Variants in PRIM2 observed in about 807,000 individuals in gnomAD.
PRIM2 encodes the protein DNA primase subunit 2, also known as DNA primase large subunit.
PRIM2 carries 39 observed loss-of-function variants against 67.3 expected under a neutral mutation model. The ratio of observed to expected loss-of-function variants is 0.58; its 90% CI spans 0.45 to 0.76. The LOEUF is 0.76. Among genes scored for constraint, PRIM2 ranks in the 30% least tolerant of loss-of-function variants. The pLI is 0.00. For missense variants in PRIM2, 398 were observed against 598.7 expected, an observed-to-expected ratio of 0.66 and a Z score of 3.50; for synonymous variants, 143 against 198.7, an observed-to-expected ratio of 0.72 and a Z score of 2.36.
At chr6:57,238,747 A>G in the PRIM2 span, among the ~76,000 whole-genome samples, 1 of 152,132 alleles carries the variant, frequency 6.6e-6, no homozygotes, top group Non-Finnish European at 1.5e-5. Flanking sequence ...GACACAAAAA[A>G]CCCTTCAAAA....
intron 7 of PRIM2, chr6:57,434,855 A>C (rs1402359505): frequency 6.6e-6 from 1 of 152,022 alleles, no homozygotes; most frequent in East Asian, 1.9e-4. Flanking sequence ...GGCTCACTAC[A>C]ACCTCTGCCT....
intron 5 of PRIM2, among the ~76,000 whole-genome samples, chr6:57,353,776 G>T (rs1411800415): frequency 6.6e-6 from 1 of 152,068 alleles, no homozygotes; most frequent in Non-Finnish European, 1.5e-5. Context: ...TCAGAAACTG[G>T]GGTTTAATAG....
the PRIM2 span, among the ~76,000 whole-genome samples, chr6:57,231,748 A>C: frequency 6.6e-6 from 1 of 152,206 alleles, no homozygotes; most frequent in African/African-American, 2.4e-5. Context: ...ATTTGGCAAA[A>C]TATATCAAAA....
intron 12 of PRIM2, among the ~76,000 whole-genome samples, chr6:57,624,644 G>A (rs1776915115): frequency 1.3e-5 from 2 of 152,180 alleles, no homozygotes; most frequent in Non-Finnish European, 1.5e-5. Flanking sequence ...TTAGGCAAAA[G>A]GAGCAGCATT....
rs1159840902 is a variant in PRIM2 at position 57,489,843 on chromosome 6, A to C, written c.694-17544A>C. On this transcript the variant is annotated intron_variant, in intron 7 of 13. Transcript: ENST00000615550. ...TATAGGGGTGACTGAGGCTGTTGCAAATTGGTATGTCTGTGTATGTGGTTT... is the reference window on the plus strand; with the variant it reads ...TATAGGGGTGACTGAGGCTGTTGCACATTGGTATGTCTGTGTATGTGGTTT... 3.0e-4 allele frequency among the ~76,000 whole-genome samples: 46 copies of C among 152,378 alleles called. 1 individual carries two copies. The highest frequency in any genetic ancestry group is 2.5e-3 in the East Asian group (13 of 5,190).
intron 7 of PRIM2, among the ~76,000 whole-genome samples, chr6:57,409,980 A>AT (rs1253236848): frequency 3.3e-5 from 5 of 151,060 alleles, no homozygotes; most frequent in East Asian, 1.9e-4. Context: ...AGACATGTTG[A>AT]TTTTTTTTTC....
chr6:57,549,157 G>A (rs1440952354), intron 10 of PRIM2, among the ~76,000 whole-genome samples: 1 of 152,180 alleles, frequency 6.6e-6, no homozygotes, highest in Non-Finnish European at 1.5e-5. Flanking sequence ...GTGTCTTATG[G>A]CCTTAGAGCA....
At chr6:57,261,716 G>C in the PRIM2 span, among the ~76,000 whole-genome samples, 4 of 152,242 alleles carry the variant, frequency 2.6e-5, no homozygotes, top group East Asian at 7.7e-4. Context: ...AGCAGCAGGA[G>C]ACTGGGAGAT....
At chr6:57,249,613 G>A in the PRIM2 span, among the ~76,000 whole-genome samples, 1 of 151,900 alleles carries the variant, frequency 6.6e-6, no homozygotes, top group South Asian at 2.1e-4. Flanking sequence ...GTGGTGGTGC[G>A]TGCCTGTAAT....
At chr6:57,402,738 T>C (rs1486516997) in intron 7 of PRIM2, among the ~76,000 whole-genome samples, 1 of 152,208 alleles carries the variant, frequency 6.6e-6, no homozygotes, top group African/African-American at 2.4e-5. Flanking sequence ...TGAATTTTAG[T>C]GTGTGTGCTG....
chr6:57,311,270 T>TTCC (rs1767383014), upstream of PRIM2, among the ~76,000 whole-genome samples: 6 of 30,370 alleles, frequency 2.0e-4, no homozygotes, highest in East Asian at 1.4e-3. Context: ...CGCTCCTCAC[T>TTCC]TCCCAGACGG....
intron 5 of PRIM2, among the ~76,000 whole-genome samples, chr6:57,359,684 T>C (rs1033098691): frequency 2.6e-5 from 4 of 152,320 alleles, no homozygotes; most frequent in South Asian, 2.1e-4. Context: ...TCAAAACAAC[T>C]GTACTATGAT....
intron 5 of PRIM2, among the ~76,000 whole-genome samples, chr6:57,333,644 T>C (rs920033872): frequency 7.2e-5 from 11 of 152,166 alleles, no homozygotes; most frequent in African/African-American, 2.4e-4. Flanking sequence ...ATTTTCTGGA[T>C]TGGTACTCTT....
At chr6:57,236,462 A>G in the PRIM2 span, among the ~76,000 whole-genome samples, 1 of 152,106 alleles carries the variant, frequency 6.6e-6, no homozygotes. Context: ...CATGTGCACA[A>G]CGTGCAGGTT....
chr6:57,565,223 C>G (rs1393270551), intron 10 of PRIM2, among the ~76,000 whole-genome samples: 1 of 150,728 alleles, frequency 6.6e-6, no homozygotes, highest in African/African-American at 2.4e-5. Context: ...CAAATTCTCA[C>G]ATATCTGTCA....
In PRIM2 at chr6:57,345,472, ATATG is replaced by A. The variant is rs1290312181; in HGVS notation, c.459+19429_459+19432del. ...GTGAGCCACCATGCCTGATATATAT[ATATG>A]TGTGTGTGTGTGTGTGTGTGTGTGT... On this transcript the variant is annotated intron_variant, in intron 5 of 13. Coordinates refer to ENST00000615550, the MANE Select transcript of PRIM2 (RefSeq NM_000947.5). Among the ~76,000 whole-genome samples, 79 of 79,896 alleles carry A rather than the reference ATATG, an allele frequency of 9.9e-4. No homozygotes were observed. In the East Asian group the frequency reaches 0.021, roughly 22 times the overall value. 52.4% of individuals were successfully genotyped at this position (79,896 alleles called of 152,430 possible).
At chr6:57,278,054 C>T in the PRIM2 span, among the ~76,000 whole-genome samples, 5 of 151,164 alleles carry the variant, frequency 3.3e-5, no homozygotes, top group Admixed American at 6.6e-5. Context: ...GAGCTGGGCA[C>T]GGTAGCTCAT....
intron 10 of PRIM2, among the ~76,000 whole-genome samples, chr6:57,566,846 C>A (rs1775752690): frequency 6.6e-6 from 1 of 152,114 alleles, no homozygotes; most frequent in South Asian, 2.1e-4. Flanking sequence ...CTTGGAAATA[C>A]AATTACTTGG....
intron 7 of PRIM2, among the ~76,000 whole-genome samples, chr6:57,454,653 C>A (rs556574789): frequency 0.033 from 5,040 of 152,088 alleles, 277 homozygotes; most frequent in African/African-American, 0.11. Context: ...TTTTTTATTG[C>A]ATCTATTTGA....
Sources: allele counts gnomAD v4.1 joint callset (sites outside exome capture counted in the v4.1 genomes callset), GRCh38; gene constraint gnomAD v4.1.1; transcripts MANE v1.5; gene names NCBI Gene and HGNC (gene_info 2026-07-23, HGNC 2026-07-21).